The following TMED2 variants were observed in gnomAD, a reference collection of about 807,000 sequenced individuals.
TMED2 encodes transmembrane emp24 domain-containing protein 2.
A neutral mutation model predicts 17.5 loss-of-function variants in TMED2; 3 were observed. The ratio of observed to expected loss-of-function variants is 0.17; its 90% CI spans 0.08 to 0.44. The LOEUF is 0.44. TMED2 is among the 20% of genes least tolerant of loss of function. The probability of loss-of-function intolerance (pLI) is 0.99; values close to 1 mark genes in which losing one functional copy is unlikely to be tolerated. For synonymous variants in TMED2, 95 were observed against 91.0 expected (o/e 1.04, Z -0.25); for missense variants, 149 against 254.8 (o/e 0.58, Z 2.83).
At chr12:123,585,043 C>T (rs898221110) in intron 1 of TMED2, 1 of 541,588 alleles carries the variant, frequency 1.8e-6, no homozygotes, top group Non-Finnish European at 3.3e-6. Flanking sequence ...GGGGCTCCTT[C>T]GGCATGCTTG....
At chr12:123,587,596 T>C in intron 2 of TMED2, 1 of 1,279,058 alleles carries the variant, frequency 7.8e-7, no homozygotes, top group South Asian at 1.3e-5. Flanking sequence ...TTAAGATATC[T>C]TAACTTTTCT....
rs1028659974 is a variant in TMED2, at chr12:123,598,030, A to G, written c.*1301A>G. 1 of 152,448 alleles carries G rather than the reference A, an allele frequency of 6.6e-6. No homozygotes were observed. The highest frequency in any genetic ancestry group is 1.5e-5 in the Non-Finnish European group (1 of 67,996). The allele number at this position is 152,448 out of a possible 1,614,324, so 9.4% of individuals were successfully genotyped here. ...ACCTTAGGACAACTGTTGCATGCCA[A>G]GTTTTTTGTGTGTGTGAAACACTTC... On this transcript the variant is annotated 3_prime_UTR_variant, in exon 4 of 4. Transcript: ENST00000262225.
At chr12:123,584,932 T>C (rs1886310481) in intron 1 of TMED2, 116 bp downstream of exon 1, 1 of 1,331,356 alleles carries the variant, frequency 7.5e-7, no homozygotes, top group African/African-American at 1.5e-5. Flanking sequence ...GCTGTCCGAG[T>C]CCTGGAGAAG....
intron 1 of TMED2, 62 bp downstream of exon 1, chr12:123,584,878 C>T (rs1397656649): frequency 1.3e-6 from 2 of 1,582,592 alleles, no homozygotes; most frequent in East Asian, 2.2e-5. Flanking sequence ...TTGGTGGCAC[C>T]TGGGACCGGC....
In TMED2 at chr12:123,597,512, A is replaced by G. The variant is rs1458073252; in HGVS notation, c.*783A>G. The G allele has an allele frequency of 2.0e-5, 3 of 152,648 alleles. 1 individual carries two copies. Among genetic ancestry groups the G allele is most frequent in the Admixed American group, 6.5e-5 (1 of 15,282 alleles). 9.5% of individuals were successfully genotyped at this position (152,648 alleles called of 1,614,324 possible). A position where few individuals can be genotyped will look rare whatever the true frequency, so the allele number is the denominator to read the frequency against. ...TTCTCCCACTCTTGGCATGTAAGAA[A>G]TAAGCATTTACATAATTGGAAAAAT... is the stretch of plus-strand genomic sequence containing the variant. On this transcript the variant is annotated 3_prime_UTR_variant, in exon 4 of 4. Coordinates refer to ENST00000262225, the MANE Select transcript of TMED2 (RefSeq NM_006815.4).
Position 123,598,092 on chromosome 12 carries a change from G to T in TMED2, c.*1363G>T, listed in dbSNP as rs2135666416. On this transcript the variant is annotated 3_prime_UTR_variant, in exon 4 of 4. Transcript: ENST00000262225. The stretch of plus-strand genomic sequence containing the variant: ...AAAAGATGTAAATTTAAAATTGGTT[G>T]TATCTAATATGCCCCAGGTTCGGTA... 6.6e-6 allele frequency: 1 copy of T among 152,488 alleles called. No homozygotes were observed. The highest frequency in any genetic ancestry group is 1.9e-4 in the East Asian group (1 of 5,182). The allele number at this position is 152,488 out of a possible 1,614,324, so 9.4% of individuals were successfully genotyped here.
At chr12:123,593,452 A>G (rs765591127) in intron 3 of TMED2, among the ~76,000 whole-genome samples, 10 of 152,174 alleles carry the variant, frequency 6.6e-5, no homozygotes, top group Non-Finnish European at 1.0e-4. Flanking sequence ...GATAACTGTG[A>G]TTTTGAAATA....
In TMED2 at chr12:123,598,322, T is replaced by C. The variant is rs1451125480; in HGVS notation, c.*1593T>C. 6.6e-6 allele frequency: 1 copy of C among 152,192 alleles called. No individual in the cohort carries two copies. The highest frequency in any genetic ancestry group is 1.5e-5 in the Non-Finnish European group (1 of 68,038). 9.4% of individuals were successfully genotyped at this position (152,192 alleles called of 1,614,324 possible). ...ACCAAGTTTTAGTTTCTGCGTAGGT[T>C]TTCCAGTGTGGCTTCTCTGATGGAT... On this transcript the variant is annotated 3_prime_UTR_variant, in exon 4 of 4. Transcript: ENST00000262225.
intron 3 of TMED2, among the ~76,000 whole-genome samples, chr12:123,591,762 C>T (rs1309588423): frequency 2.0e-5 from 3 of 151,172 alleles, no homozygotes; most frequent in Non-Finnish European, 4.4e-5. Context: ...GGCCTGGCGA[C>T]AGAGCGAGAC....
chr12:123,594,316 A>G (rs1953414489), intron 3 of TMED2, among the ~76,000 whole-genome samples: 1 of 151,286 alleles, frequency 6.6e-6, no homozygotes, highest in Non-Finnish European at 1.5e-5. Flanking sequence ...TTTTATTTTT[A>G]GTAGAGACGG....
chr12:123,589,879 A>T (rs1431353947), intron 2 of TMED2, among the ~76,000 whole-genome samples: 1 of 151,990 alleles, frequency 6.6e-6, no homozygotes, highest in Non-Finnish European at 1.5e-5. Context: ...CGCACCCCTC[A>T]GGAGGCTGAG....
chr12:123,586,812 T>C lies in TMED2; in HGVS notation c.246T>C (p.Phe82=). ...GDRESSGKYT[F]AAHMDGTYKF... ...GAGAATCCAGTGGGAAATACACATT[T>C]GCTGCTCACATGGATGGAACATACA... is the stretch of plus-strand genomic sequence containing the variant. The change falls in exon 2 of 4, where the codon TTT becomes TTC. Residue 82 remains phenylalanine, a synonymous_variant. Coordinates refer to ENST00000262225, the MANE Select transcript of TMED2 (RefSeq NM_006815.4). 1 of 1,613,336 alleles carries C rather than the reference T, an allele frequency of 6.2e-7. No homozygotes were observed. The highest frequency in any genetic ancestry group is 8.5e-7 in the Non-Finnish European group (1 of 1,179,754).
chr12:123,587,519 A>G, intron 2 of TMED2: 1 of 992,174 alleles, frequency 1.0e-6, no homozygotes, highest in Non-Finnish European at 1.3e-6. Context: ...TAATCCTGGC[A>G]TATACTTTAT....
rs769347851 is a variant in TMED2 at position 123,586,809 on chromosome 12, A to C, written c.243A>C (p.Thr81=). 4 of 1,613,176 alleles carry C rather than the reference A, an allele frequency of 2.5e-6. No homozygotes were observed. The highest frequency in any genetic ancestry group is 1.7e-4 in the Middle Eastern group (1 of 6,058). The change falls in exon 2 of 4, where the codon ACA becomes ACC. Residue 81 remains threonine (T), a synonymous_variant. Coordinates refer to ENST00000262225, the MANE Select transcript of TMED2 (RefSeq NM_006815.4). ...ACAGAGAATCCAGTGGGAAATACAC[A>C]TTTGCTGCTCACATGGATGGAACAT... ...KGDRESSGKY[T]FAAHMDGTYK... is the part of the protein sequence containing the mutation.
At chr12:123,590,484 ATGG>A (rs2135661872) in intron 3 of TMED2, 35 bp downstream of exon 3, 1 of 1,518,670 alleles carries the variant, frequency 6.6e-7, no homozygotes, top group East Asian at 2.4e-5. Context: ...GCAGTGTCTG[ATGG>A]TGAAGGTTGT....
Position 123,584,572 on chromosome 12 carries a change from G to A in TMED2, c.-65G>A. On this transcript the variant is annotated 5_prime_UTR_variant, in exon 1 of 4. Transcript: ENST00000262225. ...TGGCTGAGAAGGCAGCGGGGCGGCG[G>A]CGGCGGCGGCGGCGGCGGCTGTGGA... 6.6e-7 allele frequency: 1 copy of A among 1,518,466 alleles called. No homozygotes were observed. Among genetic ancestry groups the A allele is most frequent in the Non-Finnish European group, 8.9e-7 (1 of 1,127,852 alleles). 94.1% of individuals were successfully genotyped at this position (1,518,466 alleles called of 1,614,324 possible).
In TMED2 at chr12:123,597,244, A is replaced by G. The variant is rs1438474893; in HGVS notation, c.*515A>G. On this transcript the variant is annotated 3_prime_UTR_variant, in exon 4 of 4. Transcript: ENST00000262225. ...CTCTCTGACTTGGGTGTATGCTGCCAGGCTGGGTACTTTCATACTTTGTTT... is the reference window on the plus strand; with the variant it reads ...CTCTCTGACTTGGGTGTATGCTGCCGGGCTGGGTACTTTCATACTTTGTTT... 6.6e-6 allele frequency: 1 copy of G among 152,248 alleles called. No individual in the cohort carries two copies. Among genetic ancestry groups the G allele is most frequent in the African/African-American group, 2.4e-5 (1 of 41,450 alleles). 9.4% of individuals were successfully genotyped at this position (152,248 alleles called of 1,614,324 possible).
intron 1 of TMED2, 63 bp downstream of exon 1, chr12:123,584,879 TG>T: frequency 6.3e-7 from 1 of 1,580,922 alleles, no homozygotes; most frequent in East Asian, 2.2e-5. Flanking sequence ...TGGTGGCACC[TG>T]GGACCGGCGC....
In TMED2 at chr12:123,596,719, G is replaced by T. The variant is rs1416198241; in HGVS notation, c.596G>T (p.Arg199Ile). 1 of 1,606,590 alleles carries T rather than the reference G, an allele frequency of 6.2e-7. No homozygotes were observed. The highest frequency in any genetic ancestry group is 1.3e-5 in the African/African-American group (1 of 74,594). Residue 199 changes from arginine (R) to isoleucine (I), a missense_variant, in exon 4 of 4, where the codon AGA (arginine) becomes ATA (isoleucine). Coordinates refer to ENST00000262225, the MANE Select transcript of TMED2 (RefSeq NM_006815.4). ...YYLKRFFEVR[R>I]VV is the part of the protein sequence containing the mutation. ...CTGAAGAGATTTTTTGAAGTCCGGA[G>T]AGTTGTTTAAAAAGCCTCTTCCTGA... is the stretch of plus-strand genomic sequence containing the variant.
Sources: allele counts gnomAD v4.1 joint callset (sites outside exome capture counted in the v4.1 genomes callset), GRCh38; gene constraint gnomAD v4.1.1; transcripts MANE v1.5; gene names NCBI Gene and HGNC (gene_info 2026-07-23, HGNC 2026-07-21).